The following CDC20B variants were observed in gnomAD, a reference collection of about 807,000 sequenced individuals.
CDC20B encodes cell division cycle protein 20 homolog B.
A neutral mutation model predicts 64.1 loss-of-function variants in CDC20B; 58 were observed. The ratio of observed to expected loss-of-function variants is 0.90; its 90% CI spans 0.73 to 1.13. The LOEUF (loss-of-function observed/expected upper bound fraction) is 1.13. Ranked by LOEUF, CDC20B falls within the 50% of genes most tolerant of loss-of-function variation. The pLI is 0.00. For missense variants in CDC20B, 597 were observed against 633.0 expected (o/e 0.94, Z 0.61); for synonymous variants, 243 against 230.6 (o/e 1.05, Z -0.49).
At chr5:55,133,318 G>T (rs1743075822) in intron 6 of CDC20B, 94 bp downstream of exon 6, 2 of 561,028 alleles carry the variant, frequency 3.6e-6, no homozygotes, top group Non-Finnish European at 6.2e-6. Flanking sequence ...AGACATAAAG[G>T]CCATCTGGTT....
intron 9 of CDC20B, among the ~76,000 whole-genome samples, chr5:55,122,339 G>T (rs368194274): frequency 8.6e-5 from 13 of 151,624 alleles, no homozygotes; most frequent in African/African-American, 3.2e-4. Context: ...CTACCACAAA[G>T]GGTCAATGAA....
In CDC20B at chr5:55,149,619, T is replaced by C. The variant is rs1580356500; in HGVS notation, c.127-2763A>G. Among the ~76,000 whole-genome samples, 4 of 152,210 alleles carry C rather than the reference T, an allele frequency of 2.6e-5. No homozygotes were observed. The East Asian group carries it at 7.7e-4, about 29-fold the overall frequency. On this transcript the variant is annotated intron_variant, in intron 2 of 11. Coordinates refer to ENST00000381375, the MANE Select transcript of CDC20B (RefSeq NM_001170402.1). ...GAAGCCAGACAGGAAAGGTCACATA[T>C]TGTGTGATTCCATCTATATGAAATA...
intron 2 of CDC20B, 52 bp from the exon 3 acceptor site, chr5:55,146,908 G>T (rs1743498480): frequency 7.5e-7 from 1 of 1,324,934 alleles, no homozygotes; most frequent in Non-Finnish European, 1.1e-6. Context: ...TGATGCAAAA[G>T]TAAAAATTCC....
At chr5:55,126,466 C>CAAA (rs34581363) in intron 8 of CDC20B, 2,804 of 98,492 alleles carry the variant, frequency 0.028, 139 homozygotes, top group Non-Finnish European at 0.039. Context: ...GATTCCATGT[C>CAAA]AAAAAAAAAA....
At chr5:55,141,546 C>G (rs575463349) in intron 4 of CDC20B, among the ~76,000 whole-genome samples, 1 of 152,170 alleles carries the variant, frequency 6.6e-6, no homozygotes, top group Non-Finnish European at 1.5e-5. Context: ...CGCCTGTGCT[C>G]TATACTCACT....
chr5:55,149,906 A>G (rs1280457024), intron 2 of CDC20B, among the ~76,000 whole-genome samples: 1 of 152,112 alleles, frequency 6.6e-6, no homozygotes, highest in Non-Finnish European at 1.5e-5. Context: ...GACTGAGGTG[A>G]GTTAATCACC....
chr5:55,125,536 TC>T (rs750204423), intron 8 of CDC20B, among the ~76,000 whole-genome samples: 3 of 152,254 alleles, frequency 2.0e-5, no homozygotes, highest in Non-Finnish European at 4.4e-5. Flanking sequence ...GAACTAAACT[TC>T]TTTGTAAAAG....
rs562491453 is a variant in CDC20B, at chr5:55,155,232, T to C, written c.127-8376A>G. Among the ~76,000 whole-genome samples the C allele has an allele frequency of 2.6e-5, 4 of 152,014 alleles. No homozygotes were observed. The East Asian group carries it at 7.7e-4, about 29-fold the overall frequency. ...TTCAGAGCACCAGTGCCAAAAATAATTAGAAAAGGACCCAGAGGGGTTAAA... is the reference window on the plus strand; with the variant it reads ...TTCAGAGCACCAGTGCCAAAAATAACTAGAAAAGGACCCAGAGGGGTTAAA... On this transcript the variant is annotated intron_variant, in intron 2 of 11. Coordinates refer to ENST00000381375, the MANE Select transcript of CDC20B (RefSeq NM_001170402.1).
chr5:55,148,453 C>T (rs561994466), intron 2 of CDC20B, among the ~76,000 whole-genome samples: 66 of 152,350 alleles, frequency 4.3e-4, no homozygotes, highest in Admixed American at 7.2e-4. Flanking sequence ...GCGGCTCATG[C>T]TTGAAATCGT....
chr5:55,160,568 A>G (rs1743993654), intron 2 of CDC20B: 2 of 572,438 alleles, frequency 3.5e-6, no homozygotes, highest in African/African-American at 1.9e-5. Context: ...TTGCTTCTAA[A>G]TAATAAATTC....
At chr5:55,119,294 G>T (rs2111796062) in intron 11 of CDC20B, among the ~76,000 whole-genome samples, 1 of 152,246 alleles carries the variant, frequency 6.6e-6, no homozygotes, top group South Asian at 2.1e-4. Flanking sequence ...GACAGGGCCT[G>T]GGTCTTGCTC....
chr5:55,164,037 A>G, intron 2 of CDC20B: 1 of 1,517,940 alleles, frequency 6.6e-7, no homozygotes, highest in Non-Finnish European at 8.9e-7. Flanking sequence ...TCATGAAAAT[A>G]TGTTCTGGAT....
Position 55,114,812 on chromosome 5 carries a change from T to C in CDC20B, c.1460-494A>G, listed in dbSNP as rs138939335. Reference sequence around the variant, plus strand: ...GTGTCTCTCACAAGGATACTTGCCATTGGATTTAGGGCCACCTGGATAATC... The same window carrying C: ...GTGTCTCTCACAAGGATACTTGCCACTGGATTTAGGGCCACCTGGATAATC... On this transcript the variant is annotated intron_variant, in intron 11 of 11. Coordinates refer to ENST00000381375, the MANE Select transcript of CDC20B (RefSeq NM_001170402.1). The surrounding 1 kb of genome is among the most constrained non-coding windows in gnomAD (Gnocchi z 4.1). Among the ~76,000 whole-genome samples the C allele has an allele frequency of 4.9e-4, 75 of 152,326 alleles. No homozygotes were observed. The highest frequency in any genetic ancestry group is 1.8e-3 in the African/African-American group (73 of 41,566).
At chr5:55,133,580 T>A in intron 5 of CDC20B, 52 bp from the exon 6 acceptor site, 1 of 771,150 alleles carries the variant, frequency 1.3e-6, no homozygotes, top group Non-Finnish European at 2.0e-6. Context: ...AAATATAATA[T>A]TTATTCTTGT....
chr5:55,146,148 A>G (rs1743467456), intron 3 of CDC20B, among the ~76,000 whole-genome samples: 1 of 152,142 alleles, frequency 6.6e-6, no homozygotes, highest in African/African-American at 2.4e-5. Flanking sequence ...CTGCAACCTA[A>G]CTTGGGATGT....
At chr5:55,162,388 G>A (rs1299696656) in intron 2 of CDC20B, among the ~76,000 whole-genome samples, 2 of 152,114 alleles carry the variant, frequency 1.3e-5, no homozygotes, top group African/African-American at 2.4e-5. Context: ...GAGCAAGCCT[G>A]CATCTTAAAT....
intron 2 of CDC20B, among the ~76,000 whole-genome samples, chr5:55,147,621 AAAAT>A (rs1175686653): frequency 6.6e-6 from 1 of 151,218 alleles, no homozygotes; most frequent in African/African-American, 2.4e-5. Flanking sequence ...TTTTATATGT[AAAAT>A]AGATATATAT....
intron 11 of CDC20B, among the ~76,000 whole-genome samples, chr5:55,118,952 G>A (rs534283020): frequency 3.3e-5 from 5 of 152,288 alleles, no homozygotes; most frequent in Non-Finnish European, 7.3e-5. Flanking sequence ...TCACAAAAGT[G>A]TAGGCTCCCT....
intron 9 of CDC20B, 53 bp from the exon 10 acceptor site, chr5:55,120,603 TCA>T: frequency 6.2e-7 from 1 of 1,600,450 alleles, no homozygotes; most frequent in Non-Finnish European, 8.5e-7. Flanking sequence ...GGAGGTGCAC[TCA>T]TGAATGTGAT....
Sources: allele counts gnomAD v4.1 joint callset (sites outside exome capture counted in the v4.1 genomes callset), GRCh38; gene constraint gnomAD v4.1.1; non-coding constraint Gnocchi (gnomAD v3.1); transcripts MANE v1.5; gene names NCBI Gene and HGNC (gene_info 2026-07-23, HGNC 2026-07-21).